Variants in CMTM3 observed in about 807,000 individuals in gnomAD.
CMTM3 encodes the protein CKLF like MARVEL transmembrane domain containing 3, also known as CKLF-like MARVEL transmembrane domain-containing protein 3.
A neutral mutation model predicts 18.2 loss-of-function variants in CMTM3; 7 were observed. That is an observed-to-expected ratio of 0.38 (90% CI 0.22 to 0.72). The LOEUF (loss-of-function observed/expected upper bound fraction) is 0.72, where lower values mean the gene tolerates loss of function less well. Ranked by LOEUF, CMTM3 falls within the 30% of genes least tolerant of loss-of-function variation. The probability of loss-of-function intolerance (pLI) is 0.46; values close to 1 mark genes in which losing one functional copy is unlikely to be tolerated. For missense variants in CMTM3, 227 were observed against 249.2 expected, an observed-to-expected ratio of 0.91 and a Z score of 0.60; for synonymous variants, 109 against 111.2, an observed-to-expected ratio of 0.98 and a Z score of 0.12.
chr16:66,604,794 G>A lies in CMTM3; in HGVS notation c.-12G>A, dbSNP rs1163781847. On this transcript the variant is annotated 5_prime_UTR_variant, in exon 1 of 5. Transcript: ENST00000567572. ...AGCCAGGCCGAGCCCCGGCCCTACC[G>A]CCGCCGCCGCCATGTGGCCCCCAGA... 1.4e-5 allele frequency: 17 copies of A among 1,225,388 alleles called. No homozygotes were observed. The highest frequency in any genetic ancestry group is 3.2e-4 in the Middle Eastern group (1 of 3,150). The allele number at this position is 1,225,388 out of a possible 1,614,324, so 75.9% of individuals were successfully genotyped here.
Position 66,612,532 on chromosome 16 carries a change from T to C in CMTM3, c.521-77T>C, listed in dbSNP as rs892315449. 6.7e-7 allele frequency: 1 copy of C among 1,491,458 alleles called. No individual in the cohort carries two copies. Among genetic ancestry groups the C allele is most frequent in the Non-Finnish European group, 9.3e-7 (1 of 1,078,020 alleles). 92.4% of individuals were successfully genotyped at this position (1,491,458 alleles called of 1,614,324 possible). A position where few individuals can be genotyped will look rare whatever the true frequency, so the allele number is the denominator to read the frequency against. ...CCCAGGCTCCTGCCAGCAACCCAGC[T>C]GTGCTTCCCCAGAGACCGTTCCCAG... On this transcript the variant is annotated intron_variant, in intron 4 of 4. Transcript: ENST00000567572. This position sits in a 1 kb window ranked among gnomAD's most constrained non-coding sequence, Gnocchi z 6.0.
rs1294582361 is a variant in CMTM3, at chr16:66,609,663, A to G, written c.399+133A>G. The G allele has an allele frequency of 4.6e-6, 7 of 1,528,460 alleles. No homozygotes were observed. The highest frequency in any genetic ancestry group is 6.2e-6 in the Non-Finnish European group (7 of 1,133,966). The allele number at this position is 1,528,460 out of a possible 1,614,324, so 94.7% of individuals were successfully genotyped here. On this transcript the variant is annotated intron_variant, in intron 3 of 4. Coordinates refer to ENST00000567572, the MANE Select transcript of CMTM3 (RefSeq NM_181553.4). This position sits in a 1 kb window ranked among gnomAD's most constrained non-coding sequence, Gnocchi z 4.4. ...CATGTGGGTCCCGATGATGATTCCA[A>G]AGTCCTCTCATTAAAGACTGACTCT...
At position 66,610,426 on chromosome 16, in the gene CMTM3, G is replaced by A. The variant is rs1027123027; in HGVS notation, c.520+423G>A. Among the ~76,000 whole-genome samples, 1 of 152,200 alleles carries A rather than the reference G, an allele frequency of 6.6e-6. No individual in the cohort carries two copies. The highest frequency in any genetic ancestry group is 1.5e-5 in the Non-Finnish European group (1 of 68,040). Reference sequence around the variant, plus strand: ...GAGTCAGACCCAGAAACCGTGGCAAGGGACAGATGATGTGTCCCGTACCAG... The same window carrying A: ...GAGTCAGACCCAGAAACCGTGGCAAAGGACAGATGATGTGTCCCGTACCAG... On this transcript the variant is annotated intron_variant, in intron 4 of 4. Transcript: ENST00000567572. The surrounding 1 kb of genome is among the most constrained non-coding windows in gnomAD (Gnocchi z 4.6).
At position 66,609,916 on chromosome 16, in the gene CMTM3, A is replaced by T; in HGVS notation, c.433A>T (p.Thr145Ser). 2 of 1,614,108 alleles carry T rather than the reference A, an allele frequency of 1.2e-6. No homozygotes were observed. Among genetic ancestry groups the T allele is most frequent in the Non-Finnish European group, 1.7e-6 (2 of 1,180,024 alleles). ...FGFFATIVFA[T>S]DFYLIFNDVA... ...CTTCTTTGCTACCATCGTGTTTGCA[A>T]CTGATTTCTACCTGATCTTTAACGA... The change falls in exon 4 of 5, where the codon ACT becomes TCT. Residue 145 changes from threonine to serine, a missense_variant. Physicochemically the swap from Thr to Ser is moderately conservative, Grantham distance 58 (BLOSUM62 1). Coordinates refer to ENST00000567572, the MANE Select transcript of CMTM3 (RefSeq NM_181553.4). The surrounding 1 kb of genome is among the most constrained non-coding windows in gnomAD (Gnocchi z 4.4).
rs2144761320 is a variant in CMTM3 at position 66,612,963 on chromosome 16, G to A, written c.*326G>A. The A allele has an allele frequency of 2.9e-6, 2 of 682,356 alleles. No homozygotes were observed. The highest frequency in any genetic ancestry group is 5.4e-6 in the Non-Finnish European group (2 of 373,566). The allele number at this position is 682,356 out of a possible 1,614,324, so 42.3% of individuals were successfully genotyped here. On this transcript the variant is annotated 3_prime_UTR_variant, in exon 5 of 5. Coordinates refer to ENST00000567572, the MANE Select transcript of CMTM3 (RefSeq NM_181553.4). This position sits in a 1 kb window ranked among gnomAD's most constrained non-coding sequence, Gnocchi z 6.0. ...CAAAGCAGAGCCTTGTCTGTATCTGGGCAGCAGGTGTTCCATGCTGCTAGG... is the reference window on the plus strand; with the variant it reads ...CAAAGCAGAGCCTTGTCTGTATCTGAGCAGCAGGTGTTCCATGCTGCTAGG...
rs2015426542 is a variant in CMTM3 at position 66,612,700 on chromosome 16, G to T, written c.*63G>T. 1.9e-6 allele frequency: 3 copies of T among 1,545,088 alleles called. No individual in the cohort carries two copies. In the South Asian group the frequency reaches 3.4e-5, roughly 17 times the overall value. On this transcript the variant is annotated 3_prime_UTR_variant, in exon 5 of 5. Coordinates refer to ENST00000567572, the MANE Select transcript of CMTM3 (RefSeq NM_181553.4). The surrounding 1 kb of genome is among the most constrained non-coding windows in gnomAD (Gnocchi z 6.0). ...GCCTCCACCCCTGCGCCTCACAGGG[G>T]TCGCTGGCGTTGGAGCGGAGGCCTG...
rs190438927 is a variant in CMTM3 at position 66,612,132 on chromosome 16, C to T, written c.521-477C>T. ...ACCCTGGAGGTGCAAGTGGCTTCTG[C>T]GGCCGGGCACGGTGGCTCACGCCTG... On this transcript the variant is annotated intron_variant, in intron 4 of 4. Transcript: ENST00000567572. The surrounding 1 kb of genome is among the most constrained non-coding windows in gnomAD (Gnocchi z 6.0). 5.3e-5 allele frequency among the ~76,000 whole-genome samples: 8 copies of T among 152,234 alleles called. No individual in the cohort carries two copies. Among genetic ancestry groups the T allele is most frequent in the Non-Finnish European group, 7.4e-5 (5 of 67,998 alleles).
At chr16:66,611,047 G>A (rs551792556) in intron 4 of CMTM3, 8 of 396,966 alleles carry the variant, frequency 2.0e-5, no homozygotes, top group South Asian at 1.4e-4. Context: ...ATTAGTAAAC[G>A]TCAGTGGAAA....
chr16:66,610,157 C>A lies in CMTM3; in HGVS notation c.520+154C>A. The A allele has an allele frequency of 1.1e-6, 1 of 939,270 alleles. No individual in the cohort carries two copies. Among genetic ancestry groups the A allele is most frequent in the Non-Finnish European group, 1.6e-6 (1 of 628,762 alleles). 58.2% of individuals were successfully genotyped at this position (939,270 alleles called of 1,614,324 possible). A position where few individuals can be genotyped will look rare whatever the true frequency, so the allele number is the denominator to read the frequency against. On this transcript the variant is annotated intron_variant, in intron 4 of 4. Transcript: ENST00000567572. The surrounding 1 kb of genome is among the most constrained non-coding windows in gnomAD (Gnocchi z 4.6). ...CCCATTCTCACCTACCCTCATGCAG[C>A]ACTGATCCAAAGCCAGTCCCATTCG...
At chr16:66,606,246 G>A (rs2015147442) in intron 1 of CMTM3, among the ~76,000 whole-genome samples, 1 of 152,104 alleles carries the variant, frequency 6.6e-6, no homozygotes, top group Non-Finnish European at 1.5e-5. Context: ...AGGCTGAGAT[G>A]GACAGAAACA....
In CMTM3 at chr16:66,612,640, G is replaced by T. The variant is rs753083792; in HGVS notation, c.*3G>T. On this transcript the variant is annotated 3_prime_UTR_variant, in exon 5 of 5. Transcript: ENST00000567572. The surrounding 1 kb of genome is among the most constrained non-coding windows in gnomAD (Gnocchi z 6.0). The stretch of plus-strand genomic sequence containing the variant: ...ATTCCGACTCGGACTCTGACTGAAG[G>T]CCTGGCGGGTGCCTTGGCAACCTGA... 2 of 1,613,854 alleles carry T rather than the reference G, an allele frequency of 1.2e-6. No individual in the cohort carries two copies. Among genetic ancestry groups the T allele is most frequent in the East Asian group, 2.2e-5 (1 of 44,886 alleles).
Position 66,613,289 on chromosome 16 carries a change from G to C in CMTM3, c.*652G>C. ...TTCTGGGGGTGAGATGACCATTCTG[G>C]GTCTAAGACTGTTTCAAAGAAGAGC... On this transcript the variant is annotated 3_prime_UTR_variant, in exon 5 of 5. Transcript: ENST00000567572. 2 of 608,548 alleles carry C rather than the reference G, an allele frequency of 3.3e-6. 1 individual carries two copies. The highest frequency in any genetic ancestry group is 3.8e-5 in the South Asian group (2 of 52,410). 37.7% of individuals were successfully genotyped at this position (608,548 alleles called of 1,614,324 possible).
chr16:66,606,433 GCCTTA>G (rs975557415), intron 1 of CMTM3, among the ~76,000 whole-genome samples: 10 of 152,148 alleles, frequency 6.6e-5, no homozygotes, highest in Admixed American at 6.5e-4. Flanking sequence ...CCGTCTCTAT[GCCTTA>G]GTCTATCTTT....
At position 66,609,814 on chromosome 16, in the gene CMTM3, AG is replaced by A. The variant is rs1567395049; in HGVS notation, c.400-67del. On this transcript the variant is annotated intron_variant, in intron 3 of 4. Coordinates refer to ENST00000567572, the MANE Select transcript of CMTM3 (RefSeq NM_181553.4). The surrounding 1 kb of genome is among the most constrained non-coding windows in gnomAD (Gnocchi z 4.4). The stretch of plus-strand genomic sequence containing the variant: ...CCAAGCAGATCTGAAATGGGCCGTG[AG>A]GCTGGGGCAGCAGCCTCCCGGAGCA... 6.2e-7 allele frequency: 1 copy of A among 1,614,070 alleles called. No homozygotes were observed. Among genetic ancestry groups the A allele is most frequent in the Non-Finnish European group, 8.5e-7 (1 of 1,179,968 alleles).
Position 66,608,517 on chromosome 16 carries a change from G to T in CMTM3, c.303+53G>T. 2 of 1,579,906 alleles carry T rather than the reference G, an allele frequency of 1.3e-6. No individual in the cohort carries two copies. Among genetic ancestry groups the T allele is most frequent in the Middle Eastern group, 3.8e-4 (2 of 5,248 alleles). On this transcript the variant is annotated intron_variant, in intron 2 of 4. Transcript: ENST00000567572. This position sits in a 1 kb window ranked among gnomAD's most constrained non-coding sequence, Gnocchi z 5.1. ...GGTGCCCTGCACAAAGTGGCCAGAT[G>T]AGGAGTCCAGAGTCGTGCACTTGGG...
chr16:66,604,641 G>C, upstream of CMTM3: 2 of 485,486 alleles, frequency 4.1e-6, no homozygotes, highest in Non-Finnish European at 6.2e-6. Flanking sequence ...GGAGGGGCGG[G>C]CTGGAGGAGC....
At position 66,604,906 on chromosome 16, in the gene CMTM3, G is replaced by T; in HGVS notation, c.101G>T (p.Arg34Leu). The change falls in exon 1 of 5, where the codon CGG becomes CTG. Residue 34 changes from arginine (R) to leucine (L), a missense_variant. Coordinates refer to ENST00000567572, the MANE Select transcript of CMTM3 (RefSeq NM_181553.4). ...GGGCTCCGCGCCCTGCTGCCGGCGC[G>T]GGCTTTCCTCTGCTCTCTCAAAGGC... ...VPGLRALLPA[R>L]AFLCSLKGRL... 6.8e-7 allele frequency: 1 copy of T among 1,464,808 alleles called. No homozygotes were observed. The highest frequency in any genetic ancestry group is 9.0e-7 in the Non-Finnish European group (1 of 1,115,284). 90.7% of individuals were successfully genotyped at this position (1,464,808 alleles called of 1,614,324 possible).
chr16:66,608,449 G>C lies in CMTM3; in HGVS notation c.288G>C (p.Leu96Phe), dbSNP rs769820761. ...AGCTGAATGACAAGTGGCAGGGCTTGTGCTGGCCCATGATGGTGAGGACAG... is the reference window on the plus strand; with the variant it reads ...AGCTGAATGACAAGTGGCAGGGCTTCTGCTGGCCCATGATGGTGAGGACAG... ...AMQLNDKWQGLCWPMMDFLRC... is the reference protein window; with the variant it reads ...AMQLNDKWQGFCWPMMDFLRC... The change falls in exon 2 of 5, where the codon TTG (leucine) becomes TTC (phenylalanine). Residue 96 changes from leucine (L) to phenylalanine (F), a missense_variant. By Grantham distance (22) the Leu-to-Phe change is conservative. Transcript: ENST00000567572. This position sits in a 1 kb window ranked among gnomAD's most constrained non-coding sequence, Gnocchi z 5.1. 6.2e-7 allele frequency: 1 copy of C among 1,614,028 alleles called. No individual in the cohort carries two copies. The highest frequency in any genetic ancestry group is 8.5e-7 in the Non-Finnish European group (1 of 1,180,044).
chr16:66,613,174 G>A lies in CMTM3; in HGVS notation c.*537G>A. 1.4e-6 allele frequency: 1 copy of A among 702,028 alleles called. No individual in the cohort carries two copies. The highest frequency in any genetic ancestry group is 2.6e-6 in the Non-Finnish European group (1 of 384,588). 43.5% of individuals were successfully genotyped at this position (702,028 alleles called of 1,614,324 possible). ...GAGCACCAGTTCCCTCTTCATTCTTGAAGCAGGGAGAAATTGACCTTTGCC... is the reference window on the plus strand; with the variant it reads ...GAGCACCAGTTCCCTCTTCATTCTTAAAGCAGGGAGAAATTGACCTTTGCC... On this transcript the variant is annotated 3_prime_UTR_variant, in exon 5 of 5. Coordinates refer to ENST00000567572, the MANE Select transcript of CMTM3 (RefSeq NM_181553.4).
Sources: allele counts gnomAD v4.1 joint callset (sites outside exome capture counted in the v4.1 genomes callset), GRCh38; gene constraint gnomAD v4.1.1; non-coding constraint Gnocchi (gnomAD v3.1); transcripts MANE v1.5; gene names NCBI Gene and HGNC (gene_info 2026-07-23, HGNC 2026-07-21).